The following DOCK2 variants were observed in gnomAD, a reference collection of about 807,000 sequenced individuals.
The protein encoded by DOCK2 is dedicator of cytokinesis protein 2.
A neutral mutation model predicts 248.9 loss-of-function variants in DOCK2; 87 were observed. That is an observed-to-expected ratio of 0.35 (90% CI 0.29 to 0.42). DOCK2 has a LOEUF of 0.42. Among genes scored for constraint, DOCK2 ranks in the 10% least tolerant of loss-of-function variants. The pLI is 1.00. For synonymous variants in DOCK2, 805 were observed against 821.6 expected, an observed-to-expected ratio of 0.98 and a Z score of 0.35; for missense variants, 1,747 against 2,300.2, an observed-to-expected ratio of 0.76 and a Z score of 4.92.
chr5:169,901,253 G>A (rs1773907925), intron 27 of DOCK2, among the ~76,000 whole-genome samples: 1 of 152,158 alleles, frequency 6.6e-6, no homozygotes, highest in Admixed American at 6.5e-5. Context: ...AAAGGTATTT[G>A]GCCTTTGTAA....
intron 22 of DOCK2, among the ~76,000 whole-genome samples, chr5:169,742,738 G>C (rs1312202570): frequency 6.6e-6 from 1 of 152,198 alleles, no homozygotes; most frequent in African/African-American, 2.4e-5. Context: ...AGGTGGTACA[G>C]AGCATTGTAC....
intron 22 of DOCK2, among the ~76,000 whole-genome samples, chr5:169,738,146 C>A (rs58523743): frequency 0.093 from 14,097 of 152,208 alleles, 1,213 homozygotes; most frequent in Admixed American, 0.28. Context: ...ACATTTGTTA[C>A]AGATGTCTTC....
chr5:169,689,677 A>T (rs945214868), intron 9 of DOCK2, among the ~76,000 whole-genome samples: 2 of 152,216 alleles, frequency 1.3e-5, no homozygotes, highest in African/African-American at 4.8e-5. Context: ...CGGTTCATTC[A>T]TGATTAACCT....
intron 27 of DOCK2, among the ~76,000 whole-genome samples, chr5:169,976,531 C>T (rs1279055623): frequency 1.3e-5 from 2 of 152,076 alleles, no homozygotes; most frequent in South Asian, 4.2e-4. Flanking sequence ...TTCCACTTCC[C>T]CTTGTGATTA....
intron 27 of DOCK2, among the ~76,000 whole-genome samples, chr5:169,865,807 A>T (rs1251335415): frequency 6.6e-6 from 1 of 152,216 alleles, no homozygotes; most frequent in Non-Finnish European, 1.5e-5. Flanking sequence ...ATGATGTGGC[A>T]TGACTGGCCA....
chr5:169,999,780 G>A (rs1157998515), intron 30 of DOCK2, among the ~76,000 whole-genome samples: 2 of 152,102 alleles, frequency 1.3e-5, no homozygotes, highest in South Asian at 4.1e-4. Flanking sequence ...CCTTCTTACG[G>A]GCTCATTAAT....
intron 27 of DOCK2, among the ~76,000 whole-genome samples, chr5:169,886,149 A>G (rs1475182447): frequency 6.6e-6 from 1 of 152,134 alleles, no homozygotes; most frequent in Non-Finnish European, 1.5e-5. Context: ...TATAAATTAC[A>G]CAGTCTCTGG....
At chr5:169,988,955 G>A (rs1778141337) in intron 29 of DOCK2, among the ~76,000 whole-genome samples, 1 of 152,232 alleles carries the variant, frequency 6.6e-6, no homozygotes, top group African/African-American at 2.4e-5. Flanking sequence ...ACTTATTCAT[G>A]TGGTCAGGGC....
At chr5:169,961,736 G>A (rs1371033719) in intron 27 of DOCK2, among the ~76,000 whole-genome samples, 1 of 152,090 alleles carries the variant, frequency 6.6e-6, no homozygotes, top group Non-Finnish European at 1.5e-5. Flanking sequence ...CCAGCACTTT[G>A]GGAGGCCGAG....
intron 27 of DOCK2, among the ~76,000 whole-genome samples, chr5:169,978,737 G>A (rs1265232035): frequency 3.9e-5 from 6 of 152,088 alleles, no homozygotes; most frequent in Admixed American, 6.5e-5. Context: ...TGATTGTCTT[G>A]GATCACTGAA....
intron 26 of DOCK2, among the ~76,000 whole-genome samples, chr5:169,816,571 C>G (rs560504288): frequency 2.4e-3 from 370 of 152,324 alleles, no homozygotes; most frequent in Non-Finnish European, 3.8e-3. Context: ...AGTTTACATT[C>G]TAGCACAGCC....
intron 24 of DOCK2, 64 bp from the exon 25 acceptor site, chr5:169,761,453 AAG>A (rs145419222): frequency 0.019 from 24,921 of 1,340,622 alleles, 297 homozygotes; most frequent in Non-Finnish European, 0.023. Flanking sequence ...GATGGACTGT[AAG>A]TGCTATGAGC....
At chr5:169,954,729 C>T (rs1191174133) in intron 27 of DOCK2, among the ~76,000 whole-genome samples, 2 of 152,182 alleles carry the variant, frequency 1.3e-5, no homozygotes, top group Non-Finnish European at 2.9e-5. Context: ...TTTGTTTTTA[C>T]ATGTTCCAAG....
chr5:170,058,677 A>G (rs1297926831), intron 44 of DOCK2, among the ~76,000 whole-genome samples: 1 of 152,194 alleles, frequency 6.6e-6, no homozygotes, highest in Non-Finnish European at 1.5e-5. Context: ...ATCTGATACC[A>G]GATCATGTAG....
chr5:169,725,292 A>C (rs182327821), intron 22 of DOCK2, among the ~76,000 whole-genome samples: 1 of 152,342 alleles, frequency 6.6e-6, no homozygotes, highest in East Asian at 1.9e-4. Flanking sequence ...AGGATGAAAG[A>C]GAAAACTGTC....
chr5:169,884,823 G>C (rs1772874543), intron 27 of DOCK2: 1 of 152,264 alleles, frequency 6.6e-6, no homozygotes, highest in Non-Finnish European at 1.5e-5. Context: ...GCACCTGAAA[G>C]GGAAGAGACA....
At chr5:170,051,674 T>C (rs1756920809) in intron 41 of DOCK2, among the ~76,000 whole-genome samples, 1 of 152,176 alleles carries the variant, frequency 6.6e-6, no homozygotes, top group African/African-American at 2.4e-5. Context: ...GAATGTCGGC[T>C]CCACGAGGGA....
At chr5:170,059,441 C>T (rs12522898) in intron 44 of DOCK2, among the ~76,000 whole-genome samples, 14,054 of 152,168 alleles carry the variant, frequency 0.092, 1,288 homozygotes, top group East Asian at 0.44. Context: ...CTCAGCAAGG[C>T]GCCTCTTCTG....
At chr5:170,036,606 C>A in intron 36 of DOCK2, 51 bp downstream of exon 36, 1 of 1,574,584 alleles carries the variant, frequency 6.4e-7, no homozygotes, top group South Asian at 1.1e-5. Flanking sequence ...CTTTCCTGCT[C>A]AGTATCCATC....
Sources: allele counts gnomAD v4.1 joint callset (sites outside exome capture counted in the v4.1 genomes callset), GRCh38; gene constraint gnomAD v4.1.1; transcripts MANE v1.5; gene names NCBI Gene and HGNC (gene_info 2026-07-23, HGNC 2026-07-21).